CLRN2: variants seen among roughly 807,000 people sequenced by gnomAD.
The protein encoded by CLRN2 is clarin-2.
A neutral mutation model predicts 20.1 loss-of-function variants in CLRN2; 17 were observed. The ratio of observed to expected loss-of-function variants is 0.85; its 90% CI spans 0.58 to 1.27. The LOEUF (loss-of-function observed/expected upper bound fraction) is 1.27. Among genes scored for constraint, CLRN2 ranks in the 50% most tolerant of loss-of-function variants. The pLI is 0.00. For synonymous variants in CLRN2, 140 were observed against 126.9 expected, an observed-to-expected ratio of 1.10 and a Z score of -0.70; for missense variants, 288 against 299.5, an observed-to-expected ratio of 0.96 and a Z score of 0.28.
At chr4:17,524,611 T>C (rs553611773) in intron 2 of CLRN2, among the ~76,000 whole-genome samples, 1 of 152,264 alleles carries the variant, frequency 6.6e-6, no homozygotes, top group East Asian at 1.9e-4. Flanking sequence ...GAGGCTGTCA[T>C]GTAAAAAGTG....
At chr4:17,526,496 G>T (rs1711979583) in intron 2 of CLRN2, among the ~76,000 whole-genome samples, 1 of 152,128 alleles carries the variant, frequency 6.6e-6, no homozygotes, top group South Asian at 2.1e-4. Flanking sequence ...AGAGGCAGAG[G>T]TTGCAGTGAG....
At position 17,515,518 on chromosome 4, in the gene CLRN2, G is replaced by A. The variant is rs201838208; in HGVS notation, c.252G>A (p.Thr84=). 1.1e-4 allele frequency: 181 copies of A among 1,613,726 alleles called. No homozygotes were observed. In the African/African-American group the frequency reaches 2.1e-3, roughly 19 times the overall value. The part of the protein sequence containing the change: ...CGLGGRQSQF[T]IFPHLVKELN... ...TTGGGGGCCGCCAATCCCAATTCAC[G>A]AGTGAGTATATTGGGAGCATGAAAG... Residue 84 remains threonine (T), a splice_region_variant and synonymous_variant, in exon 1 of 3, where the codon ACG becomes ACA. Coordinates refer to ENST00000511148, the MANE Select transcript of CLRN2 (RefSeq NM_001079827.2).
intron 2 of CLRN2, among the ~76,000 whole-genome samples, chr4:17,525,540 C>T (rs1431485234): frequency 2.0e-5 from 3 of 152,110 alleles, no homozygotes; most frequent in African/African-American, 7.2e-5. Context: ...ATCCCAGCTA[C>T]TCAGGAGGCT....
At chr4:17,525,364 G>A (rs979796608) in intron 2 of CLRN2, among the ~76,000 whole-genome samples, 1 of 152,090 alleles carries the variant, frequency 6.6e-6, no homozygotes, top group African/African-American at 2.4e-5. Flanking sequence ...AGCCTGGCAC[G>A]GTGGCTCACG....
At chr4:17,526,436 T>G (rs186431693) in intron 2 of CLRN2, among the ~76,000 whole-genome samples, 43 of 152,260 alleles carry the variant, frequency 2.8e-4, no homozygotes, top group African/African-American at 9.1e-4. Context: ...GACAGGCACC[T>G]GTAGTCCCAG....
Position 17,526,799 on chromosome 4 carries a change from G to T in CLRN2, c.434-18G>T, listed in dbSNP as rs944112950. 7 of 1,612,970 alleles carry T rather than the reference G, an allele frequency of 4.3e-6. No homozygotes were observed. The highest frequency in any genetic ancestry group is 5.1e-6 in the Non-Finnish European group (6 of 1,179,034). On this transcript the variant is annotated intron_variant, in intron 2 of 2. Transcript: ENST00000511148. The stretch of plus-strand genomic sequence containing the variant: ...GCAAAAAGGAGCCGTGAATGAGGGT[G>T]ACCTTTTTGAGTTTCAGGCGGCGTC...
chr4:17,527,019 C>T lies in CLRN2; in HGVS notation c.636C>T (p.Pro212=), dbSNP rs778829301. 1.8e-5 allele frequency: 29 copies of T among 1,613,876 alleles called. No homozygotes were observed. Among genetic ancestry groups the T allele is most frequent in the Non-Finnish European group, 2.3e-5 (27 of 1,179,904 alleles). ...NLVVVAISQI[P]LPEIKTKIEE... The stretch of plus-strand genomic sequence containing the variant: ...TCGTGGTGGCGATCAGTCAAATTCC[C>T]CTCCCTGAGATTAAGACCAAAATCG... The change falls in exon 3 of 3, where the codon CCC becomes CCT. Residue 212 remains proline, a synonymous_variant. Transcript: ENST00000511148.
chr4:17,515,194 G>A lies in CLRN2; in HGVS notation c.-73G>A. ...AGAGCTGACCTTGGAGCAGAGCATT[G>A]CCGAGTATCTGAAAGATGTCAATGA... On this transcript the variant is annotated 5_prime_UTR_variant, in exon 1 of 3. Transcript: ENST00000511148. 1 of 1,565,478 alleles carries A rather than the reference G, an allele frequency of 6.4e-7. No individual in the cohort carries two copies. The highest frequency in any genetic ancestry group is 1.3e-5 in the African/African-American group (1 of 74,110).
chr4:17,523,570 G>A (rs1270035458), intron 2 of CLRN2, among the ~76,000 whole-genome samples: 1 of 151,896 alleles, frequency 6.6e-6, no homozygotes, highest in Non-Finnish European at 1.5e-5. Flanking sequence ...TTAGAGCAGT[G>A]AAGAGAGATC....
intron 1 of CLRN2, among the ~76,000 whole-genome samples, chr4:17,521,569 G>A (rs888784586): frequency 6.6e-6 from 1 of 152,216 alleles, no homozygotes; most frequent in African/African-American, 2.4e-5. Flanking sequence ...GTGAACAACA[G>A]TTCTCAGAAA....
intron 1 of CLRN2, among the ~76,000 whole-genome samples, chr4:17,516,305 G>C (rs1560320807): frequency 6.6e-6 from 1 of 152,186 alleles, no homozygotes; most frequent in Non-Finnish European, 1.5e-5. Flanking sequence ...AATCCAAGCT[G>C]GACTTAGGAA....
chr4:17,520,347 A>G (rs1227595490), intron 1 of CLRN2, among the ~76,000 whole-genome samples: 2 of 152,360 alleles, frequency 1.3e-5, no homozygotes, highest in African/African-American at 4.8e-5. Flanking sequence ...TATATACATT[A>G]TGGACATTAT....
At chr4:17,522,380 A>G (rs1278604390) in intron 1 of CLRN2, among the ~76,000 whole-genome samples, 2 of 152,248 alleles carry the variant, frequency 1.3e-5, no homozygotes, top group Non-Finnish European at 2.9e-5. Flanking sequence ...ATGTCATTTC[A>G]TCTTCACAGC....
intron 1 of CLRN2, 40 bp downstream of exon 1, chr4:17,515,559 C>T (rs757156999): frequency 6.2e-7 from 1 of 1,601,106 alleles, no homozygotes; most frequent in South Asian, 1.1e-5. Context: ...TCTAGGCACT[C>T]ATTTTTGTTA....
At position 17,526,879 on chromosome 4, in the gene CLRN2, G is replaced by A; in HGVS notation, c.496G>A (p.Glu166Lys). 6.2e-7 allele frequency: 1 copy of A among 1,614,016 alleles called. No individual in the cohort carries two copies. Among genetic ancestry groups the A allele is most frequent in the Non-Finnish European group, 8.5e-7 (1 of 1,179,882 alleles). ...TGCGGTGAAATTTCACGACCTGACG[G>A]AACGAATCGCCAACTTTCAGGAGAA... ...VAAVKFHDLT[E>K]RIANFQEKLF... The change falls in exon 3 of 3, where the codon GAA (glutamate) becomes AAA (lysine). Residue 166 changes from glutamate to lysine, a missense_variant. Coordinates refer to ENST00000511148, the MANE Select transcript of CLRN2 (RefSeq NM_001079827.2).
chr4:17,516,677 A>G (rs2109001221), intron 1 of CLRN2, among the ~76,000 whole-genome samples: 1 of 152,352 alleles, frequency 6.6e-6, no homozygotes, highest in South Asian at 2.1e-4. Flanking sequence ...GACCCTGGAT[A>G]TTGAACAAAT....
intron 1 of CLRN2, among the ~76,000 whole-genome samples, chr4:17,516,707 C>T (rs542383224): frequency 6.6e-6 from 1 of 152,202 alleles, no homozygotes; most frequent in African/African-American, 2.4e-5. Context: ...AAAATTATAA[C>T]ATAAAACTTG....
At chr4:17,524,966 G>A (rs547325460) in intron 2 of CLRN2, among the ~76,000 whole-genome samples, 1 of 151,870 alleles carries the variant, frequency 6.6e-6, no homozygotes, top group Admixed American at 6.6e-5. Context: ...AATAAAAACA[G>A]GCAAAGCTTT....
intron 1 of CLRN2, among the ~76,000 whole-genome samples, chr4:17,519,799 A>T (rs1002386235): frequency 1.3e-5 from 2 of 152,204 alleles, no homozygotes; most frequent in African/African-American, 4.8e-5. Flanking sequence ...GTCACCTCTC[A>T]GTGAGAAAGT....
Sources: gnomAD v4.1 joint callset for allele counts (sites outside exome capture counted in the v4.1 genomes callset) on GRCh38, gnomAD v4.1.1 for gene constraint, MANE v1.5 for transcripts, NCBI Gene and HGNC (gene_info 2026-07-23, HGNC 2026-07-21) for gene names.